Variants in LPP observed in about 807,000 individuals in gnomAD.
The protein encoded by LPP is lipoma-preferred partner.
Under a neutral mutation model 60.4 loss-of-function variants are expected in LPP, and 38 were observed. The ratio of observed to expected loss-of-function variants is 0.63; its 90% CI spans 0.49 to 0.83. LPP has a LOEUF of 0.83. Among genes scored for constraint, LPP ranks in the 40% least tolerant of loss-of-function variants. The probability of loss-of-function intolerance (pLI) is 0.00; values close to 1 mark genes in which losing one functional copy is unlikely to be tolerated. For missense variants in LPP, 902 were observed against 783.6 expected, an observed-to-expected ratio of 1.15 and a Z score of -1.80; for synonymous variants, 328 against 290.8, an observed-to-expected ratio of 1.13 and a Z score of -1.30.
At chr3:188,554,155 A>ATTT (rs1828901169) in intron 6 of LPP, 16 of 151,302 alleles carry the variant, frequency 1.1e-4, no homozygotes, top group Middle Eastern at 3.4e-3. Context: ...CTTTTTTTTA[A>ATTT]AAAAAAGAAA....
At chr3:188,355,286 C>T (rs769224489) in intron 3 of LPP, among the ~76,000 whole-genome samples, 8 of 152,122 alleles carry the variant, frequency 5.3e-5, no homozygotes, top group Non-Finnish European at 8.8e-5. Context: ...GGATTACAGG[C>T]GTGAGCCACC....
intron 5 of LPP, among the ~76,000 whole-genome samples, chr3:188,510,148 G>A (rs751878981): frequency 6.6e-6 from 1 of 152,198 alleles, no homozygotes; most frequent in Non-Finnish European, 1.5e-5. Context: ...GACATGAGCA[G>A]AATTCTGGGG....
intron 7 of LPP, among the ~76,000 whole-genome samples, chr3:188,665,522 C>T (rs1855599195): frequency 7.0e-6 from 1 of 143,296 alleles, no homozygotes; most frequent in Admixed American, 7.3e-5. Flanking sequence ...TGCAGTGGTA[C>T]AATCTCGGCT....
intron 3 of LPP, among the ~76,000 whole-genome samples, chr3:188,350,833 T>A (rs1765644578): frequency 6.6e-6 from 1 of 152,196 alleles, no homozygotes; most frequent in Admixed American, 6.5e-5. Flanking sequence ...ATAAAACGAA[T>A]AAGAGATTTA....
intron 9 of LPP, among the ~76,000 whole-genome samples, chr3:188,812,896 A>G (rs1242851423): frequency 1.3e-5 from 2 of 151,706 alleles, no homozygotes; most frequent in African/African-American, 4.8e-5. Flanking sequence ...AAAAAATTAC[A>G]CTTTTTTTTT....
In LPP at chr3:188,264,936, A is replaced by G. The variant is rs554180510; in HGVS notation, c.-67+39409A>G. ...TCAACCTGCAATTATTTGTCAGGTCATAAAAATGATGTGTCTTAGATTTAT... is the reference window on the plus strand; with the variant it reads ...TCAACCTGCAATTATTTGTCAGGTCGTAAAAATGATGTGTCTTAGATTTAT... On this transcript the variant is annotated intron_variant, in intron 2 of 11. Transcript: ENST00000617246. 2.6e-5 allele frequency among the ~76,000 whole-genome samples: 4 copies of G among 152,350 alleles called. No individual in the cohort carries two copies. The South Asian group carries it at 8.3e-4, about 32-fold the overall frequency.
chr3:188,368,035 C>G (rs1306860572), intron 3 of LPP, among the ~76,000 whole-genome samples: 3 of 152,148 alleles, frequency 2.0e-5, no homozygotes, highest in Admixed American at 2.0e-4. Flanking sequence ...CCCTTCCCCA[C>G]AGGAGAAATT....
chr3:188,288,831 A>ATC (rs1553851105), intron 2 of LPP, among the ~76,000 whole-genome samples: 7 of 79,680 alleles, frequency 8.8e-5, no homozygotes, highest in South Asian at 5.5e-4. Context: ...CCCCACCCCC[A>ATC]CCCCCCCGCC....
chr3:188,282,319 G>C (rs535461281), intron 2 of LPP, among the ~76,000 whole-genome samples: 2 of 152,248 alleles, frequency 1.3e-5, no homozygotes, highest in South Asian at 4.1e-4. Flanking sequence ...TGGGTCCACT[G>C]TTGCTTTGTA....
At chr3:188,271,760 G>A (rs1737817619) in intron 2 of LPP, among the ~76,000 whole-genome samples, 1 of 152,180 alleles carries the variant, frequency 6.6e-6, no homozygotes, top group Admixed American at 6.5e-5. Flanking sequence ...CTGAAAGGAT[G>A]ACGTTAGTTT....
intron 4 of LPP, among the ~76,000 whole-genome samples, chr3:188,476,717 A>G (rs983087510): frequency 6.6e-6 from 1 of 152,230 alleles, no homozygotes; most frequent in African/African-American, 2.4e-5. Context: ...AGCAGAAAAT[A>G]CAAATGGAAG....
chr3:188,185,924 A>G (rs1577174502), intron 1 of LPP, among the ~76,000 whole-genome samples: 1 of 152,232 alleles, frequency 6.6e-6, no homozygotes, highest in African/African-American at 2.4e-5. Context: ...TGGGTCTTAA[A>G]TGACTGAGAA....
intron 2 of LPP, among the ~76,000 whole-genome samples, chr3:188,326,910 A>G (rs1481017099): frequency 6.6e-6 from 1 of 151,952 alleles, no homozygotes. Flanking sequence ...CTCAATCTCA[A>G]TTCTTCTGGA....
chr3:188,315,878 A>G (rs538222140), intron 2 of LPP, among the ~76,000 whole-genome samples: 38 of 152,332 alleles, frequency 2.5e-4, no homozygotes, highest in African/African-American at 8.9e-4. Flanking sequence ...CATATTAGAC[A>G]TGCTTCAAAT....
At chr3:188,666,573 T>C (rs532616983) in intron 7 of LPP, among the ~76,000 whole-genome samples, 10 of 152,320 alleles carry the variant, frequency 6.6e-5, no homozygotes, top group African/African-American at 1.9e-4. Context: ...CTTTGGGAAA[T>C]AGAATATACC....
intron 6 of LPP, among the ~76,000 whole-genome samples, chr3:188,571,145 A>G (rs1833445730): frequency 6.6e-6 from 1 of 152,082 alleles, no homozygotes. Flanking sequence ...CTTCTGGGCA[A>G]AGATTAAGTC....
intron 3 of LPP, among the ~76,000 whole-genome samples, chr3:188,360,618 A>G (rs1385360621): frequency 6.6e-6 from 1 of 152,086 alleles, no homozygotes; most frequent in Non-Finnish European, 1.5e-5. Context: ...AAGCCTTCCA[A>G]AGTGCTGGGA....
chr3:188,624,009 G>A (rs1439527096), intron 7 of LPP, among the ~76,000 whole-genome samples: 2 of 152,148 alleles, frequency 1.3e-5, no homozygotes, highest in Admixed American at 6.5e-5. Flanking sequence ...AAAAATTTTA[G>A]CCAATAACAT....
chr3:188,380,695 C>G, intron 3 of LPP, among the ~76,000 whole-genome samples: 1 of 152,164 alleles, frequency 6.6e-6, no homozygotes, highest in African/African-American at 2.4e-5. Context: ...GTCCATGAAC[C>G]TCCTGAAATT....
Sources: gnomAD v4.1 joint callset for allele counts (sites outside exome capture counted in the v4.1 genomes callset) on GRCh38, gnomAD v4.1.1 for gene constraint, MANE v1.5 for transcripts, NCBI Gene and HGNC (gene_info 2026-07-23, HGNC 2026-07-21) for gene names.